The following MSRA variants were observed in gnomAD, a reference collection of about 807,000 sequenced individuals.
MSRA encodes mitochondrial peptide methionine sulfoxide reductase.
MSRA carries 54 observed loss-of-function variants against 31.3 expected under a neutral mutation model. The ratio of observed to expected loss-of-function variants is 1.73; its 90% confidence interval spans 1.39 to 2.17. The LOEUF (loss-of-function observed/expected upper bound fraction) is 2.17. Among genes scored for constraint, MSRA ranks in the 30% most tolerant of loss-of-function variants. The probability of loss-of-function intolerance (pLI) is 0.00; values close to 1 mark genes in which losing one functional copy is unlikely to be tolerated. For missense variants in MSRA, 507 were observed against 300.9 expected (o/e 1.69, Z -5.07); for synonymous variants, 169 against 116.5 (o/e 1.45, Z -2.90).
chr8:10,249,240 C>T (rs962309179), intron 3 of MSRA, among the ~76,000 whole-genome samples: 1 of 152,188 alleles, frequency 6.6e-6, no homozygotes, highest in Non-Finnish European at 1.5e-5. Context: ...GTTAGTCAGG[C>T]AGACAGTTCT....
chr8:10,299,322 C>CAG (rs1491470588), intron 3 of MSRA, among the ~76,000 whole-genome samples: 4 of 151,954 alleles, frequency 2.6e-5, no homozygotes, highest in South Asian at 4.2e-4. Context: ...TTTTAATATT[C>CAG]AGAGATTTTT....
chr8:10,241,282 G>A (rs1812390039), intron 2 of MSRA, among the ~76,000 whole-genome samples: 2 of 152,066 alleles, frequency 1.3e-5, no homozygotes, highest in South Asian at 4.1e-4. Flanking sequence ...GTGAGTCTGG[G>A]ACATCCTGTC....
chr8:10,283,160 A>ACACACACACACTCTCTCTCTCTCT lies in MSRA; in HGVS notation c.332-18373_332-18372insACACACACACTCTCTCTCTCTCTC. Among the ~76,000 whole-genome samples the ACACACACACACTCTCTCTCTCTCT allele has an allele frequency of 4.2e-3, 590 of 140,286 alleles. 1 individual carries two copies. The highest frequency in any genetic ancestry group is 0.011 in the Middle Eastern group (3 of 282). 92.0% of individuals were successfully genotyped at this position (140,286 alleles called of 152,430 possible). ...CACACACACACACACACACACACAC[A>ACACACACACACTCTCTCTCTCTCT]CTCTCACCCTTCTCTTTGCTGGGGA... On this transcript the variant is annotated intron_variant, in intron 3 of 5. Coordinates refer to ENST00000317173, the MANE Select transcript of MSRA (RefSeq NM_012331.5).
chr8:10,201,827 C>G (rs549847182), intron 1 of MSRA, among the ~76,000 whole-genome samples: 3 of 152,248 alleles, frequency 2.0e-5, no homozygotes, highest in Non-Finnish European at 4.4e-5. Context: ...AAATCTGTTT[C>G]TTGTCCTCAT....
At chr8:10,276,645 G>C (rs754752141) in intron 3 of MSRA, among the ~76,000 whole-genome samples, 7 of 152,214 alleles carry the variant, frequency 4.6e-5, no homozygotes, top group Non-Finnish European at 8.8e-5. Context: ...GGAGCAGCAT[G>C]CGTGTCTGCA....
At chr8:10,305,434 G>C (rs58288592) in intron 4 of MSRA, among the ~76,000 whole-genome samples, 7 of 133,102 alleles carry the variant, frequency 5.3e-5, no homozygotes, top group Non-Finnish European at 1.1e-4. Context: ...TTTTTTTCCG[G>C]ATGGAGTCTT....
chr8:10,343,066 C>T (rs1025002819), intron 5 of MSRA, among the ~76,000 whole-genome samples: 1 of 145,374 alleles, frequency 6.9e-6, no homozygotes, highest in Non-Finnish European at 1.5e-5. Context: ...CACACACACA[C>T]ACACACACAT....
At chr8:10,322,328 G>C (rs992819995) in intron 5 of MSRA, among the ~76,000 whole-genome samples, 3 of 142,740 alleles carry the variant, frequency 2.1e-5, no homozygotes, top group Admixed American at 1.4e-4. Flanking sequence ...GCTATTATAG[G>C]ATTCCGGGCC....
At chr8:10,272,693 G>A (rs1057348795) in intron 3 of MSRA, among the ~76,000 whole-genome samples, 4 of 152,118 alleles carry the variant, frequency 2.6e-5, no homozygotes, top group Admixed American at 1.3e-4. Flanking sequence ...ACCCTCAAAC[G>A]AATTCTACAG....
At chr8:10,302,722 G>A (rs1800913726) in intron 4 of MSRA, among the ~76,000 whole-genome samples, 1 of 152,222 alleles carries the variant, frequency 6.6e-6, no homozygotes, top group Admixed American at 6.5e-5. Flanking sequence ...ATCTATCAGG[G>A]CAGATGGCGG....
chr8:10,129,723 G>C lies in MSRA; in HGVS notation c.142+75065G>C, dbSNP rs749754022. 3.9e-5 allele frequency among the ~76,000 whole-genome samples: 6 copies of C among 152,224 alleles called. No individual in the cohort carries two copies. The South Asian group carries it at 1.2e-3, about 32-fold the overall frequency. ...CTTGAGCCCCTGGAGGTTCAAAAAA[G>C]CAAAGATACCAGTTATTAGGAAAAA... is the stretch of plus-strand genomic sequence containing the variant. On this transcript the variant is annotated intron_variant, in intron 1 of 5. Transcript: ENST00000317173.
intron 2 of MSRA, among the ~76,000 whole-genome samples, chr8:10,213,005 G>T (rs1809643849): frequency 6.6e-6 from 1 of 152,046 alleles, no homozygotes; most frequent in Admixed American, 6.5e-5. Context: ...TGGGGTGTCT[G>T]TCCCCTCAAA....
At chr8:10,351,062 A>G (rs920869592) in intron 5 of MSRA, among the ~76,000 whole-genome samples, 4 of 152,182 alleles carry the variant, frequency 2.6e-5, no homozygotes, top group Admixed American at 6.5e-5. Flanking sequence ...TAAGCTGCCT[A>G]TGCAGCAGAA....
chr8:10,084,256 C>T (rs1426569879), intron 1 of MSRA, among the ~76,000 whole-genome samples: 2 of 152,230 alleles, frequency 1.3e-5, no homozygotes, highest in African/African-American at 4.8e-5. Context: ...CTGACCTGGG[C>T]CTTAGCCTCT....
intron 1 of MSRA, among the ~76,000 whole-genome samples, chr8:10,139,394 G>A (rs1287864972): frequency 1.3e-5 from 2 of 151,838 alleles, no homozygotes; most frequent in Admixed American, 6.6e-5. Flanking sequence ...TACTAAATTC[G>A]GGGGCGGGGG....
intron 2 of MSRA, among the ~76,000 whole-genome samples, chr8:10,218,415 G>C (rs1162782517): frequency 6.6e-6 from 1 of 152,126 alleles, no homozygotes; most frequent in Non-Finnish European, 1.5e-5. Flanking sequence ...AAAATGCTGG[G>C]ATTACAGGTG....
intron 5 of MSRA, among the ~76,000 whole-genome samples, chr8:10,322,795 G>C (rs530750987): frequency 3.3e-5 from 5 of 152,118 alleles, no homozygotes; most frequent in African/African-American, 9.7e-5. Context: ...AAAGTAATGA[G>C]ATAAAAGCAG....
chr8:10,326,769 A>G (rs771753280), intron 5 of MSRA, among the ~76,000 whole-genome samples: 4 of 152,092 alleles, frequency 2.6e-5, no homozygotes, highest in Non-Finnish European at 5.9e-5. Context: ...CATCTAATGT[A>G]TTATTGTTTT....
intron 1 of MSRA, among the ~76,000 whole-genome samples, chr8:10,201,341 C>G (rs549906648): frequency 1.3e-5 from 2 of 152,080 alleles, no homozygotes; most frequent in Non-Finnish European, 2.9e-5. Flanking sequence ...ACCGGCAGTT[C>G]TGAGAGTTTA....
Sources: gnomAD v4.1 joint callset for allele counts (sites outside exome capture counted in the v4.1 genomes callset) on GRCh38, gnomAD v4.1.1 for gene constraint, MANE v1.5 for transcripts, NCBI Gene and HGNC (gene_info 2026-07-23, HGNC 2026-07-21) for gene names.